Variants in WWOX observed in about 807,000 individuals in gnomAD.
The protein encoded by WWOX is WW domain-containing oxidoreductase.
A neutral mutation model predicts 46.2 loss-of-function variants in WWOX; 69 were observed. That is an observed-to-expected ratio of 1.49 (90% CI 1.23 to 1.82). The LOEUF is 1.82. WWOX is among the 40% of genes most tolerant of loss of function. WWOX has a pLI of 0.00. For synonymous variants in WWOX, 359 were observed against 202.6 expected, an observed-to-expected ratio of 1.77 and a Z score of -6.56; for missense variants, 919 against 542.6, an observed-to-expected ratio of 1.69 and a Z score of -6.89.
chr16:78,385,624 C>T (rs1245399798), intron 5 of WWOX, among the ~76,000 whole-genome samples: 1 of 152,142 alleles, frequency 6.6e-6, no homozygotes, highest in Non-Finnish European at 1.5e-5. Flanking sequence ...TTACGCTGAA[C>T]GTCTCAGCCC....
chr16:79,051,142 T>C (rs1297149269), intron 8 of WWOX, among the ~76,000 whole-genome samples: 1 of 152,180 alleles, frequency 6.6e-6, no homozygotes, highest in Non-Finnish European at 1.5e-5. Context: ...TTCATGCTGA[T>C]CAGTTGTTAA....
chr16:78,849,573 CAAAAA>C (rs778723646), intron 8 of WWOX, among the ~76,000 whole-genome samples: 1 of 97,338 alleles, frequency 1.0e-5, no homozygotes, highest in Non-Finnish European at 1.9e-5. Context: ...GAATCCCTCT[CAAAAA>C]AAAAAAAAAA....
intron 5 of WWOX, among the ~76,000 whole-genome samples, chr16:78,265,706 C>T (rs567422940): frequency 1.3e-4 from 20 of 149,260 alleles, no homozygotes; most frequent in Middle Eastern, 3.4e-3. Flanking sequence ...ACAAAAAACA[C>T]GAATATCTTT....
At chr16:78,291,319 T>C (rs763750037) in intron 5 of WWOX, among the ~76,000 whole-genome samples, 1 of 152,230 alleles carries the variant, frequency 6.6e-6, no homozygotes, top group Non-Finnish European at 1.5e-5. Flanking sequence ...TGACTGCATT[T>C]CACAGTGTTG....
chr16:78,397,566 G>C (rs1278270899), intron 6 of WWOX, among the ~76,000 whole-genome samples: 2 of 152,196 alleles, frequency 1.3e-5, no homozygotes, highest in African/African-American at 4.8e-5. Context: ...TTGCATAGTA[G>C]CTTGGAGAAT....
At chr16:78,581,237 C>T (rs951836846) in intron 8 of WWOX, among the ~76,000 whole-genome samples, 5 of 152,078 alleles carry the variant, frequency 3.3e-5, no homozygotes, top group African/African-American at 4.8e-5. Flanking sequence ...GCTAAAATGA[C>T]ACTACATTAA....
intron 8 of WWOX, among the ~76,000 whole-genome samples, chr16:79,065,685 C>G (rs558229046): frequency 3.3e-5 from 5 of 152,192 alleles, no homozygotes; most frequent in African/African-American, 4.8e-5. Context: ...AACCTTGTGG[C>G]CTTTTAGGAG....
intron 8 of WWOX, among the ~76,000 whole-genome samples, chr16:78,823,098 A>T (rs972275275): frequency 2.0e-5 from 3 of 152,226 alleles, no homozygotes; most frequent in East Asian, 3.8e-4. Flanking sequence ...GCTCTTCGTT[A>T]TCTCAAATTA....
chr16:78,899,780 A>C (rs2044783196), intron 8 of WWOX: 1 of 152,188 alleles, frequency 6.6e-6, no homozygotes, highest in African/African-American at 2.4e-5. Flanking sequence ...CAGCATTAAG[A>C]CGAAAATCTT....
chr16:78,578,264 A>ATATATATATATT (rs1212128750), intron 8 of WWOX, among the ~76,000 whole-genome samples: 2 of 20,276 alleles, frequency 9.9e-5, no homozygotes, highest in African/African-American at 3.2e-4. Flanking sequence ...TTATATATAT[A>ATATATATATATT]TATATATATA....
At chr16:79,023,660 C>G (rs564378298) in intron 8 of WWOX, among the ~76,000 whole-genome samples, 1 of 152,110 alleles carries the variant, frequency 6.6e-6, no homozygotes. Context: ...TGGCTTACAC[C>G]TGTAATCCCA....
chr16:78,668,837 T>A (rs372582679), intron 8 of WWOX, among the ~76,000 whole-genome samples: 15 of 152,004 alleles, frequency 9.9e-5, no homozygotes, highest in East Asian at 9.7e-4. Context: ...CGTGTCTGAG[T>A]CTTCCTGATG....
intron 8 of WWOX, among the ~76,000 whole-genome samples, chr16:78,789,586 C>T (rs1001114544): frequency 8.5e-5 from 13 of 152,094 alleles, no homozygotes; most frequent in Non-Finnish European, 1.9e-4. Flanking sequence ...ATTGTGAATT[C>T]TCCAACTTTG....
At chr16:78,847,466 C>T (rs1483848505) in intron 8 of WWOX, among the ~76,000 whole-genome samples, 14 of 152,102 alleles carry the variant, frequency 9.2e-5, no homozygotes. Flanking sequence ...TCCAATCCAA[C>T]ACAACAACTG....
intron 5 of WWOX, among the ~76,000 whole-genome samples, chr16:78,251,731 T>C (rs1048230550): frequency 6.6e-6 from 1 of 152,206 alleles, no homozygotes; most frequent in Non-Finnish European, 1.5e-5. Flanking sequence ...CAACAGCTGA[T>C]TGGCATAGTA....
chr16:78,966,888 A>G (rs932477768), intron 8 of WWOX, among the ~76,000 whole-genome samples: 1 of 152,190 alleles, frequency 6.6e-6, no homozygotes, highest in African/African-American at 2.4e-5. Context: ...ATAGAGTTGC[A>G]GTGGAGATTG....
chr16:78,588,781 G>A (rs758349204), intron 8 of WWOX, among the ~76,000 whole-genome samples: 2 of 152,156 alleles, frequency 1.3e-5, no homozygotes, highest in Non-Finnish European at 2.9e-5. Context: ...CTTAGCATAT[G>A]CTTTTTGGCA....
In WWOX at chr16:79,000,869, C is replaced by T. The variant is rs1214395007; in HGVS notation, c.1057-210739C>T. ...CCTGGACCTCTCTTCCATGGCATTG[C>T]CATGGTTTGTCATGTTGCACTTATT... is the stretch of plus-strand genomic sequence containing the variant. On this transcript the variant is annotated intron_variant, in intron 8 of 8. Coordinates refer to ENST00000566780, the MANE Select transcript of WWOX (RefSeq NM_016373.4). Among the ~76,000 whole-genome samples, 6 of 152,104 alleles carry T rather than the reference C, an allele frequency of 3.9e-5. 1 individual carries two copies. Among genetic ancestry groups the T allele is most frequent in the South Asian group, 4.2e-4 (2 of 4,818 alleles).
chr16:78,997,083 A>T (rs1315228899), intron 8 of WWOX, among the ~76,000 whole-genome samples: 3 of 151,724 alleles, frequency 2.0e-5, no homozygotes, highest in Admixed American at 1.3e-4. Context: ...GCATCATACC[A>T]TCTGCTTTTC....
Sources: gnomAD v4.1 joint callset for allele counts (sites outside exome capture counted in the v4.1 genomes callset) on GRCh38, gnomAD v4.1.1 for gene constraint, MANE v1.5 for transcripts, NCBI Gene and HGNC (gene_info 2026-07-23, HGNC 2026-07-21) for gene names.